The following KCNQ5 variants were observed in gnomAD, a reference collection of about 807,000 sequenced individuals.
KCNQ5 encodes potassium voltage-gated channel subfamily KQT member 5.
In KCNQ5, 30 loss-of-function variants were observed where a neutral mutation model predicts 98.2. That is an observed-to-expected ratio of 0.31 (90% confidence interval 0.23 to 0.41). The LOEUF is 0.41. Among genes scored for constraint, KCNQ5 ranks in the 10% least tolerant of loss-of-function variants. The probability of loss-of-function intolerance (pLI) is 1.00; values close to 1 mark genes in which losing one functional copy is unlikely to be tolerated. For missense variants in KCNQ5, 835 were observed against 1,182.5 expected, an observed-to-expected ratio of 0.71 and a Z score of 4.31; for synonymous variants, 458 against 449.4, an observed-to-expected ratio of 1.02 and a Z score of -0.24.
chr6:72,880,995 C>T (rs898849716), intron 1 of KCNQ5, among the ~76,000 whole-genome samples: 1 of 152,140 alleles, frequency 6.6e-6, no homozygotes, highest in South Asian at 2.1e-4. Flanking sequence ...TTAAAGATGT[C>T]GACAAGATTC....
chr6:73,045,264 CAT>C (rs1771909346), intron 3 of KCNQ5, among the ~76,000 whole-genome samples: 1 of 152,126 alleles, frequency 6.6e-6, no homozygotes, highest in African/African-American at 2.4e-5. Context: ...ACAATTATAA[CAT>C]AAGGGAAGAA....
At chr6:72,746,264 AC>A (rs1771402445) in intron 1 of KCNQ5, among the ~76,000 whole-genome samples, 1 of 152,094 alleles carries the variant, frequency 6.6e-6, no homozygotes, top group Non-Finnish European at 1.5e-5. Flanking sequence ...TATGCCAGTT[AC>A]TAATTTCATC....
At chr6:72,837,618 T>C (rs1001683027) in intron 1 of KCNQ5, among the ~76,000 whole-genome samples, 1 of 152,160 alleles carries the variant, frequency 6.6e-6, no homozygotes, top group Admixed American at 6.5e-5. Context: ...GTAAAAGGCA[T>C]AAATGAAGGA....
At chr6:72,884,620 A>C (rs1778781388) in intron 1 of KCNQ5, among the ~76,000 whole-genome samples, 1 of 97,276 alleles carries the variant, frequency 1.0e-5, no homozygotes, top group Non-Finnish European at 2.0e-5. Flanking sequence ...AGAATAAAAT[A>C]CTTTTTTTTT....
chr6:72,700,332 T>TATCTATCG (rs1768741026), intron 1 of KCNQ5, among the ~76,000 whole-genome samples: 1 of 151,004 alleles, frequency 6.6e-6, no homozygotes, highest in African/African-American at 2.4e-5. Context: ...TCTATCTATC[T>TATCTATCG]ATCTAATCTA....
intron 5 of KCNQ5, among the ~76,000 whole-genome samples, chr6:73,086,296 G>A (rs1017518363): frequency 2.6e-5 from 4 of 151,842 alleles, no homozygotes; most frequent in African/African-American, 9.7e-5. Flanking sequence ...GTCTATAATT[G>A]AAAGGACAGA....
At chr6:72,753,663 AT>A (rs1771803449) in intron 1 of KCNQ5, among the ~76,000 whole-genome samples, 1 of 152,074 alleles carries the variant, frequency 6.6e-6, no homozygotes, top group Admixed American at 6.6e-5. Context: ...TTTTAATCTA[AT>A]TTGCATTTTT....
chr6:72,923,130 C>T (rs1489724095), intron 1 of KCNQ5, among the ~76,000 whole-genome samples: 1 of 152,036 alleles, frequency 6.6e-6, no homozygotes, highest in African/African-American at 2.4e-5. Context: ...TTTCTTTATC[C>T]ATTTACCTGT....
At chr6:72,667,120 T>C (rs1241182454) in intron 1 of KCNQ5, among the ~76,000 whole-genome samples, 1 of 152,240 alleles carries the variant, frequency 6.6e-6, no homozygotes, top group African/African-American at 2.4e-5. Flanking sequence ...TGGTGTCTGC[T>C]GCTACTCTCC....
chr6:72,803,627 T>G (rs1299305170), intron 1 of KCNQ5, among the ~76,000 whole-genome samples: 1 of 152,172 alleles, frequency 6.6e-6, no homozygotes, highest in East Asian at 1.9e-4. Context: ...TTAATTGTTA[T>G]GTAGTTTTGA....
chr6:72,770,378 A>T (rs557936521), intron 1 of KCNQ5, among the ~76,000 whole-genome samples: 2 of 152,242 alleles, frequency 1.3e-5, no homozygotes, highest in South Asian at 4.1e-4. Context: ...TGATGGTGAA[A>T]TGTTTCAGTG....
chr6:72,747,989 C>T (rs563815715), intron 1 of KCNQ5, among the ~76,000 whole-genome samples: 11 of 152,188 alleles, frequency 7.2e-5, no homozygotes, highest in African/African-American at 2.6e-4. Flanking sequence ...AAAAATCCTA[C>T]GTCAGAAAAT....
At chr6:72,873,643 C>T (rs1891396) in intron 1 of KCNQ5, among the ~76,000 whole-genome samples, 40,572 of 151,882 alleles carry the variant, frequency 0.27, 5,600 homozygotes, top group Non-Finnish European at 0.29. Flanking sequence ...TGTACTTTCT[C>T]CTTAATCATG....
intron 1 of KCNQ5, among the ~76,000 whole-genome samples, chr6:72,730,999 A>G (rs1770526518): frequency 1.3e-5 from 2 of 152,164 alleles, no homozygotes; most frequent in Admixed American, 1.3e-4. Context: ...CTTTCTTCAT[A>G]TGGTTCTTGC....
intron 1 of KCNQ5, among the ~76,000 whole-genome samples, chr6:72,932,451 G>A (rs1765730325): frequency 6.6e-6 from 1 of 152,106 alleles, no homozygotes; most frequent in African/African-American, 2.4e-5. Flanking sequence ...GAAAGCAGTT[G>A]ACTTGGGAGC....
chr6:72,846,710 T>C (rs1777038887), intron 1 of KCNQ5, among the ~76,000 whole-genome samples: 1 of 152,104 alleles, frequency 6.6e-6, no homozygotes, highest in Non-Finnish European at 1.5e-5. Flanking sequence ...CTTATGTACC[T>C]TCCTTCCCAA....
chr6:72,775,614 C>T (rs1177138204), intron 1 of KCNQ5, among the ~76,000 whole-genome samples: 1 of 152,148 alleles, frequency 6.6e-6, no homozygotes, highest in Non-Finnish European at 1.5e-5. Context: ...GGCTGGCAAA[C>T]GTTACCTCAG....
chr6:72,733,537 T>C (rs1244913773), intron 1 of KCNQ5, among the ~76,000 whole-genome samples: 1 of 152,296 alleles, frequency 6.6e-6, no homozygotes, highest in Non-Finnish European at 1.5e-5. Context: ...TTTTTAAAAA[T>C]GGAAGAGTCA....
chr6:73,101,956 A>G (rs1774795500), intron 5 of KCNQ5, among the ~76,000 whole-genome samples: 1 of 152,220 alleles, frequency 6.6e-6, no homozygotes, highest in Non-Finnish European at 1.5e-5. Context: ...ATCCTAAGCA[A>G]AAAGAGAAAA....
Sources: allele counts gnomAD v4.1 joint callset (sites outside exome capture counted in the v4.1 genomes callset), GRCh38; gene constraint gnomAD v4.1.1; transcripts MANE v1.5; gene names NCBI Gene and HGNC (gene_info 2026-07-23, HGNC 2026-07-21).